ZNF335: variants seen among roughly 807,000 people sequenced by gnomAD.
ZNF335 encodes NRC-interacting factor 1.
ZNF335 carries 84 observed loss-of-function variants against 145.6 expected under a neutral mutation model. The ratio of observed to expected loss-of-function variants is 0.58; its 90% CI spans 0.48 to 0.69. The LOEUF is 0.69. Among genes scored for constraint, ZNF335 ranks in the 30% least tolerant of loss-of-function variants. The pLI is 0.00. For synonymous variants in ZNF335, 761 were observed against 717.0 expected (o/e 1.06, Z -0.98); for missense variants, 1,865 against 1,809.7 (o/e 1.03, Z -0.55).
rs1261474258 is a variant in ZNF335, at chr20:45,967,525, A to C, written c.924T>G (p.Ile308Met). 6.2e-7 allele frequency: 1 copy of C among 1,613,662 alleles called. No homozygotes were observed. The highest frequency in any genetic ancestry group is 1.7e-5 in the Admixed American group (1 of 59,958). ...GGTCATCAATGGCTCCAGCGTCTAC[A>C]ATGTCATCATCGTCCTCCTCCTCTG... ...EGPEEEDDDD[I>M]VDAGAIDDLE... is the part of the protein sequence containing the mutation. The change falls in exon 6 of 28, where the codon ATT becomes ATG. Residue 308 changes from isoleucine (I) to methionine (M), a missense_variant. Coordinates refer to ENST00000322927, the MANE Select transcript of ZNF335 (RefSeq NM_022095.4).
At position 45,952,327 on chromosome 20, in the gene ZNF335, T is replaced by G; in HGVS notation, c.3009A>C (p.Ala1003=). 2 of 1,613,360 alleles carry G rather than the reference T, an allele frequency of 1.2e-6. No individual in the cohort carries two copies. The highest frequency in any genetic ancestry group is 1.7e-6 in the Non-Finnish European group (2 of 1,179,924). Residue 1003 remains alanine (A), a synonymous_variant, in exon 20 of 28, where the codon GCA becomes GCC. Transcript: ENST00000322927. ...PPATSKALGL[A]VPPSPPSAAT... ...CTGCAGATGGCGGTGACGGGGGCAC[T>G]GCCAGGCCCAGGGCTTTGCTGGTTG...
chr20:45,951,785 G>A (rs2083637308), intron 20 of ZNF335, among the ~76,000 whole-genome samples: 1 of 152,178 alleles, frequency 6.6e-6, no homozygotes, highest in African/African-American at 2.4e-5. Context: ...CTAGACGTTC[G>A]AGTCTCCCTA....
intron 17 of ZNF335, 70 bp downstream of exon 17, chr20:45,957,516 T>TC: frequency 7.0e-7 from 1 of 1,434,228 alleles, no homozygotes. Context: ...TTTCCTCTAG[T>TC]CCCAGTGTCC....
At position 45,965,653 on chromosome 20, in the gene ZNF335, G is replaced by A. The variant is rs61729190; in HGVS notation, c.1077C>T (p.Arg359=). The A allele has an allele frequency of 2.5e-6, 4 of 1,600,304 alleles. No homozygotes were observed. In the African/African-American group the frequency reaches 4.1e-5, roughly 16 times the overall value. ...CATCTGGGAGGTCTGAGATCTCCAG[G>A]CGGGGCAGCTTCCGGGGCCGGCCAG... The part of the protein sequence containing the change: ...RRPGRPRKLP[R]LEISDLPDGV... The change falls in exon 7 of 28, where the codon CGC becomes CGT. Residue 359 remains arginine (R), a synonymous_variant. Transcript: ENST00000322927.
At chr20:45,949,649 A>G in intron 24 of ZNF335, 81 bp from the exon 25 acceptor site, 1 of 1,479,552 alleles carries the variant, frequency 6.8e-7, no homozygotes, top group Non-Finnish European at 9.2e-7. Flanking sequence ...GGCAGAGTGG[A>G]AGACTAGGAA....
chr20:45,959,157 G>A (rs1386003237), intron 15 of ZNF335, 44 bp downstream of exon 15: 3 of 1,308,362 alleles, frequency 2.3e-6, no homozygotes, highest in Non-Finnish European at 3.0e-6. Flanking sequence ...GGGGCTGGGA[G>A]AAGCGGCCTC....
intron 17 of ZNF335, among the ~76,000 whole-genome samples, chr20:45,954,640 C>T (rs1990367087): frequency 6.6e-6 from 1 of 152,008 alleles, no homozygotes; most frequent in African/African-American, 2.4e-5. Context: ...TATGGAGCTC[C>T]TGCAAAGCAA....
At position 45,971,344 on chromosome 20, in the gene ZNF335, A is replaced by G; in HGVS notation, c.67T>C (p.Ser23Pro). The G allele has an allele frequency of 6.3e-7, 1 of 1,599,702 alleles. No homozygotes were observed. The highest frequency in any genetic ancestry group is 8.5e-7 in the Non-Finnish European group (1 of 1,179,352). ...GTGCCCACACCCAGGCCGCTCTCAG[A>G]GGGCTCCTCGGGCCGGCCAGGCCCA... is the stretch of plus-strand genomic sequence containing the variant. ...APGPGRPEEP[S>P]ESGLGVGTSE... The change falls in exon 2 of 28, where the codon TCT becomes CCT. Residue 23 changes from serine to proline, a missense_variant. Coordinates refer to ENST00000322927, the MANE Select transcript of ZNF335 (RefSeq NM_022095.4).
chr20:45,949,202 T>C lies in ZNF335; in HGVS notation c.3869A>G (p.Gln1290Arg). The C allele has an allele frequency of 1.2e-6, 2 of 1,613,890 alleles. No homozygotes were observed. Among genetic ancestry groups the C allele is most frequent in the African/African-American group, 1.3e-5 (1 of 75,052 alleles). Residue 1290 changes from glutamine to arginine, a missense_variant, in exon 27 of 28, where the codon CAA becomes CGA. Coordinates refer to ENST00000322927, the MANE Select transcript of ZNF335 (RefSeq NM_022095.4). ...AGCTGAGTGTGCTGCAGCCTCAAGT[T>C]GAGCCTGTGTGACAAGCTGCTGGCC... ...SPGQQLVTQA[Q>R]LEAAAHSAVT... is the part of the protein sequence containing the mutation.
chr20:45,954,114 G>A (rs947092450), intron 17 of ZNF335, among the ~76,000 whole-genome samples, 166 bp from the exon 18 acceptor site: 2 of 152,170 alleles, frequency 1.3e-5, no homozygotes, highest in Admixed American at 6.5e-5. Flanking sequence ...ATATACTCTG[G>A]CTTTCCAAAT....
chr20:45,960,357 T>G lies in ZNF335; in HGVS notation c.1871A>C (p.Glu624Ala). ...GTCTTCACAAACAAACTCACAGAAC[T>G]CACACTTGAACCTGGAGGCGGTTAG... ...QAVANRRFKC[E>A]FCEFVCEDKK... Residue 624 changes from glutamate (E) to alanine (A), a missense_variant, in exon 14 of 28, where the codon GAG becomes GCG. Transcript: ENST00000322927. The G allele has an allele frequency of 6.2e-7, 1 of 1,614,178 alleles. No homozygotes were observed. Among genetic ancestry groups the G allele is most frequent in the Non-Finnish European group, 8.5e-7 (1 of 1,180,014 alleles).
rs149232277 is a variant in ZNF335 at position 45,962,065 on chromosome 20, C to A, written c.1646+5G>T. On this transcript the variant is annotated splice_donor_5th_base_variant and intron_variant, in intron 10 of 27. Coordinates refer to ENST00000322927, the MANE Select transcript of ZNF335 (RefSeq NM_022095.4). ...TGCCCAGGTCCCTCCCACCCCCACA[C>A]TGACCGGTCCCGGCTGTGCACAGCG... 1.4e-4 allele frequency: 224 copies of A among 1,610,936 alleles called. 1 individual carries two copies. In the African/African-American group the frequency reaches 2.6e-3, roughly 19 times the overall value.
Position 45,963,991 on chromosome 20 carries a change from C to T in ZNF335, c.1103-1G>A. On this transcript the variant is annotated splice_acceptor_variant, in intron 7 of 27. Coordinates refer to ENST00000322927, the MANE Select transcript of ZNF335 (RefSeq NM_022095.4). LOFTEE classifies it high-confidence loss of function. ...CTCACTAGAGGCTCTCCTTCCACAC[C>T]TGCCACGGACATGCCAGGTCACAAG... 1 of 1,516,136 alleles carries T rather than the reference C, an allele frequency of 6.6e-7. No homozygotes were observed. The highest frequency in any genetic ancestry group is 8.8e-7 in the Non-Finnish European group (1 of 1,133,860). The allele number at this position is 1,516,136 out of a possible 1,614,324, so 93.9% of individuals were successfully genotyped here.
At chr20:45,954,912 C>A (rs1324126302) in intron 17 of ZNF335, among the ~76,000 whole-genome samples, 1 of 151,642 alleles carries the variant, frequency 6.6e-6, no homozygotes, top group African/African-American at 2.4e-5. Flanking sequence ...GTACTACAGG[C>A]ATGCATTGCC....
chr20:45,956,385 C>T (rs1318366580), intron 17 of ZNF335, among the ~76,000 whole-genome samples: 3 of 152,086 alleles, frequency 2.0e-5, no homozygotes, highest in East Asian at 1.9e-4. Context: ...TGTGCCACCA[C>T]GCCCAGCTAA....
Position 45,948,797 on chromosome 20 carries a change from T to G in ZNF335, c.*156A>C. On this transcript the variant is annotated 3_prime_UTR_variant, in exon 28 of 28. Coordinates refer to ENST00000322927, the MANE Select transcript of ZNF335 (RefSeq NM_022095.4). The stretch of plus-strand genomic sequence containing the variant: ...CCTGGCTGGGGCCCATGGCTGCCCC[T>G]AACCCCAACAGCACAGGTCTGGCTC... 7.9e-7 allele frequency: 1 copy of G among 1,262,244 alleles called. No individual in the cohort carries two copies. Among genetic ancestry groups the G allele is most frequent in the African/African-American group, 1.5e-5 (1 of 68,112 alleles). The allele number at this position is 1,262,244 out of a possible 1,614,324, so 78.2% of individuals were successfully genotyped here. A position where few individuals can be genotyped will look rare whatever the true frequency, so the allele number is the denominator to read the frequency against.
In ZNF335 at chr20:45,948,771, T is replaced by C. The variant is rs555417361; in HGVS notation, c.*182A>G. On this transcript the variant is annotated 3_prime_UTR_variant, in exon 28 of 28. Coordinates refer to ENST00000322927, the MANE Select transcript of ZNF335 (RefSeq NM_022095.4). ...CCTGCAGGCTGGGGCACCCAGCATG[T>C]CCTGGCTGGGGCCCATGGCTGCCCC... The C allele has an allele frequency of 1.3e-5, 12 of 923,180 alleles. No homozygotes were observed. The East Asian group carries it at 3.0e-4, about 23-fold the overall frequency. 57.2% of individuals were successfully genotyped at this position (923,180 alleles called of 1,614,324 possible).
Position 45,969,457 on chromosome 20 carries a change from T to G in ZNF335, c.436A>C (p.Ile146Leu), listed in dbSNP as rs1447671952. 6.5e-7 allele frequency: 1 copy of G among 1,527,612 alleles called. No individual in the cohort carries two copies. The highest frequency in any genetic ancestry group is 8.9e-7 in the Non-Finnish European group (1 of 1,126,452). The allele number at this position is 1,527,612 out of a possible 1,614,324, so 94.6% of individuals were successfully genotyped here. A position where few individuals can be genotyped will look rare whatever the true frequency, so the allele number is the denominator to read the frequency against. The change falls in exon 3 of 28, where the codon ATC (isoleucine) becomes CTC (leucine). Residue 146 changes from isoleucine to leucine, a missense_variant. Coordinates refer to ENST00000322927, the MANE Select transcript of ZNF335 (RefSeq NM_022095.4). ...IIESTIGPDL[I>L]QNCITVTSAE... Reference sequence around the variant, plus strand: ...GCTCCTCTGCCTGACTCACTCTGGATGAGGTCGGGCCCGATGGTGGACTCG... The same window carrying G: ...GCTCCTCTGCCTGACTCACTCTGGAGGAGGTCGGGCCCGATGGTGGACTCG...
At chr20:45,954,008 G>C (rs2145365625) in intron 17 of ZNF335, 60 bp from the exon 18 acceptor site, 1 of 1,510,078 alleles carries the variant, frequency 6.6e-7, no homozygotes, top group Non-Finnish European at 8.9e-7. Context: ...GGGTATGCAA[G>C]ACGCCTCCCC....
Sources: gnomAD v4.1 joint callset for allele counts (sites outside exome capture counted in the v4.1 genomes callset) on GRCh38, gnomAD v4.1.1 for gene constraint, MANE v1.5 for transcripts, NCBI Gene and HGNC (gene_info 2026-07-23, HGNC 2026-07-21) for gene names.